Variants in WDR18 observed in about 807,000 individuals in gnomAD.
WDR18 encodes WD repeat domain 18.
Under a neutral mutation model 49.6 loss-of-function variants are expected in WDR18, and 33 were observed. That is an observed-to-expected ratio of 0.67 (90% CI 0.50 to 0.89). The LOEUF is 0.89. Among genes scored for constraint, WDR18 ranks in the 40% least tolerant of loss-of-function variants. The probability of loss-of-function intolerance (pLI) is 0.00; values close to 1 mark genes in which losing one functional copy is unlikely to be tolerated. For missense variants in WDR18, 653 were observed against 593.6 expected (o/e 1.10, Z -1.04); for synonymous variants, 315 against 263.6 (o/e 1.19, Z -1.89).
Position 984,395 on chromosome 19 carries a change from G to T in WDR18, c.42G>T (p.Ala14=), listed in dbSNP as rs746617348. 1.2e-6 allele frequency: 2 copies of T among 1,601,636 alleles called. No homozygotes were observed. The change falls in exon 1 of 10, where the codon GCG becomes GCT. Residue 14 remains alanine, a synonymous_variant. Coordinates refer to ENST00000585809, the MANE Select transcript of WDR18 (RefSeq NM_024100.4). ...PMEVAVCTDS[A]APMWSCIVWE... The stretch of plus-strand genomic sequence containing the variant: ...AGGTGGCCGTGTGTACGGACTCGGC[G>T]GCCCCGATGTGGAGCTGCATCGTGT...
intron 4 of WDR18, 71 bp downstream of exon 4, chr19:990,435 A>T: frequency 6.9e-7 from 1 of 1,449,864 alleles, no homozygotes; most frequent in Non-Finnish European, 9.1e-7. Flanking sequence ...CCAGGAATGC[A>T]GGAATCGCCT....
chr19:989,044 C>T (rs1331109204), intron 2 of WDR18, among the ~76,000 whole-genome samples: 13 of 124,662 alleles, frequency 1.0e-4, no homozygotes, highest in African/African-American at 3.8e-4. Flanking sequence ...TCTCAGGCCT[C>T]GAACCCACAA....
At chr19:988,965 A>G (rs955922267) in intron 2 of WDR18, among the ~76,000 whole-genome samples, 3 of 145,144 alleles carry the variant, frequency 2.1e-5, no homozygotes, top group Admixed American at 1.4e-4. Flanking sequence ...TTTTGGGGGG[A>G]AACACGATTC....
chr19:986,417 C>T (rs1345757822), intron 2 of WDR18, among the ~76,000 whole-genome samples: 1 of 152,162 alleles, frequency 6.6e-6, no homozygotes, highest in African/African-American at 2.4e-5. Context: ...TTCCAGGCGC[C>T]CACCACCACA....
intron 8 of WDR18, 92 bp downstream of exon 8, chr19:992,213 G>A: frequency 7.4e-7 from 1 of 1,357,170 alleles, no homozygotes; most frequent in Non-Finnish European, 9.5e-7. Context: ...CCTGGCGCCC[G>A]TGCGGCGGTT....
intron 2 of WDR18, among the ~76,000 whole-genome samples, chr19:987,479 T>C (rs1207130805): frequency 6.6e-6 from 1 of 152,206 alleles, no homozygotes. Context: ...CCGTAGCTGC[T>C]CTTGAACTCC....
chr19:989,999 G>A (rs1192404968), intron 3 of WDR18, 104 bp downstream of exon 3: 17 of 1,494,742 alleles, frequency 1.1e-5, no homozygotes, highest in South Asian at 1.3e-5. Context: ...TCTCTTGGGG[G>A]CTGGAGTGCA....
In WDR18 at chr19:990,840, G is replaced by C. The variant is rs1029895504; in HGVS notation, c.598-12G>C. On this transcript the variant is annotated splice_polypyrimidine_tract_variant and intron_variant, in intron 4 of 9. Coordinates refer to ENST00000585809, the MANE Select transcript of WDR18 (RefSeq NM_024100.4). ...TGCCGGGCCGAGCCCCACGCCCTTT[G>C]CCCACCCGCAGCTATGGGAGGTCTC... 1.2e-5 allele frequency: 19 copies of C among 1,592,878 alleles called. No homozygotes were observed. In the Admixed American group the frequency reaches 1.7e-4, roughly 14 times the overall value.
At chr19:983,599 G>A (rs1599442095), upstream of WDR18, among the ~76,000 whole-genome samples, 2 of 150,254 alleles carry the variant, frequency 1.3e-5, no homozygotes, top group East Asian at 2.0e-4. Context: ...GACATGGTCC[G>A]TGACGGGCAG....
upstream of WDR18, among the ~76,000 whole-genome samples, chr19:983,574 TG>T (rs1171033567): frequency 1.3e-5 from 2 of 150,378 alleles, 1 homozygote; most frequent in African/African-American, 4.9e-5. Context: ...TTTTTTTTTT[TG>T]AATGCCGTTT....
intron 8 of WDR18, among the ~76,000 whole-genome samples, chr19:992,811 C>T (rs957608869): frequency 3.3e-5 from 5 of 152,246 alleles, no homozygotes; most frequent in Admixed American, 2.6e-4. Flanking sequence ...ACTCCCCGAC[C>T]TTCGATGAGC....
chr19:985,623 G>A (rs866925678), intron 1 of WDR18, among the ~76,000 whole-genome samples: 7 of 152,006 alleles, frequency 4.6e-5, no homozygotes, highest in Middle Eastern at 3.4e-3. Flanking sequence ...TCCCACCCAG[G>A]GCCCCTCTGA....
At chr19:983,632 G>C (rs1329547451), upstream of WDR18, among the ~76,000 whole-genome samples, 1 of 151,468 alleles carries the variant, frequency 6.6e-6, no homozygotes, top group Non-Finnish European at 1.5e-5. Context: ...GTTAGACCCT[G>C]CTTGGCTCGG....
chr19:990,626 G>T lies in WDR18; in HGVS notation c.598-226G>T, dbSNP rs574238267. On this transcript the variant is annotated intron_variant, in intron 4 of 9. Transcript: ENST00000585809. Reference sequence around the variant, plus strand: ...CACTATGCTTGAGTCGTGACCGGTGGTCCTGGGAGGGAGAACCAGGGGTCA... The same window carrying T: ...CACTATGCTTGAGTCGTGACCGGTGTTCCTGGGAGGGAGAACCAGGGGTCA... 107 of 816,278 alleles carry T rather than the reference G, an allele frequency of 1.3e-4. No homozygotes were observed. In the African/African-American group the frequency reaches 1.6e-3, roughly 12 times the overall value. The allele number at this position is 816,278 out of a possible 1,614,324, so 50.6% of individuals were successfully genotyped here. A position where few individuals can be genotyped will look rare whatever the true frequency, so the allele number is the denominator to read the frequency against.
intron 1 of WDR18, 107 bp downstream of exon 1, chr19:984,670 A>AG: frequency 8.4e-7 from 1 of 1,188,870 alleles, no homozygotes; most frequent in South Asian, 1.8e-5. Flanking sequence ...TGGCGTGGGG[A>AG]GGGGAGGTGG....
chr19:984,251 CG>C (rs2038448903), upstream of WDR18: 3 of 1,244,192 alleles, frequency 2.4e-6, no homozygotes, highest in East Asian at 3.1e-5. Flanking sequence ...ATGCGCGGGT[CG>C]GCCACCCGCT....
chr19:984,259 C>A, upstream of WDR18: 4 of 1,301,080 alleles, frequency 3.1e-6, no homozygotes, highest in South Asian at 1.8e-5. Context: ...GTCGGCCACC[C>A]GCTGGGGCCG....
intron 1 of WDR18, among the ~76,000 whole-genome samples, chr19:985,079 C>A (rs1400884686): frequency 1.2e-4 from 18 of 152,186 alleles, no homozygotes; most frequent in Admixed American, 1.2e-3. Context: ...CTACTCGCTT[C>A]CCCCGTGTGC....
rs772666194 is a variant in WDR18, at chr19:990,016, G to C, written c.455+121G>C. 2.7e-6 allele frequency: 4 copies of C among 1,459,632 alleles called. No individual in the cohort carries two copies. The South Asian group carries it at 5.5e-5, about 20-fold the overall frequency. The allele number at this position is 1,459,632 out of a possible 1,614,324, so 90.4% of individuals were successfully genotyped here. ...TCTTGGGGGCTGGAGTGCAGAGGACGGAGTGATCATCCCAGGGGTCCTGGC... is the reference window on the plus strand; with the variant it reads ...TCTTGGGGGCTGGAGTGCAGAGGACCGAGTGATCATCCCAGGGGTCCTGGC... On this transcript the variant is annotated intron_variant, in intron 3 of 9. Transcript: ENST00000585809.
Sources: allele counts gnomAD v4.1 joint callset (sites outside exome capture counted in the v4.1 genomes callset), GRCh38; gene constraint gnomAD v4.1.1; transcripts MANE v1.5; gene names NCBI Gene and HGNC (gene_info 2026-07-23, HGNC 2026-07-21).